DISP2: variants seen among roughly 807,000 people sequenced by gnomAD.
DISP2 encodes protein dispatched homolog 2.
In DISP2, 59 loss-of-function variants were observed where a neutral mutation model predicts 95.5. That is an observed-to-expected ratio of 0.62 (90% CI 0.50 to 0.77). DISP2 has a LOEUF of 0.77. Among genes scored for constraint, DISP2 ranks in the 30% least tolerant of loss-of-function variants. DISP2 has a pLI of 0.00. For missense variants in DISP2, 1,752 were observed against 1,854.6 expected, an observed-to-expected ratio of 0.94 and a Z score of 1.02; for synonymous variants, 827 against 815.0, an observed-to-expected ratio of 1.01 and a Z score of -0.25.
chr15:40,364,785 A>G lies in DISP2; in HGVS notation c.604-53A>G. The G allele has an allele frequency of 3.2e-6, 5 of 1,559,948 alleles. 1 individual carries two copies. The highest frequency in any genetic ancestry group is 3.8e-4 in the Middle Eastern group (2 of 5,244). The stretch of plus-strand genomic sequence containing the variant: ...AAGGGGCAGAGCTGAGAAGCACCCA[A>G]ATGGAGAACTCCTACCCTGCCCACC... On this transcript the variant is annotated intron_variant, in intron 4 of 7. Transcript: ENST00000267889.
At position 40,358,244 on chromosome 15, in the gene DISP2, TGCCGCCGCCACCGCCGCCGCCGCC is replaced by T. The variant is rs1555399506; in HGVS notation, c.-68_-45del. The T allele has an allele frequency of 1.3e-6, 1 of 779,744 alleles. No homozygotes were observed. Among genetic ancestry groups the T allele is most frequent in the East Asian group, 5.1e-5 (1 of 19,600 alleles). 48.3% of individuals were successfully genotyped at this position (779,744 alleles called of 1,614,324 possible). ...ATGCGCACGAGCACCCCGCCGCCGCTGCCGCCGCCACCGCCGCCGCCGCCGCCGCCGCCGCGGCTTCAGCACCAG... is the reference window on the plus strand; with the variant it reads ...ATGCGCACGAGCACCCCGCCGCCGCTGCCGCCGCCGCGGCTTCAGCACCAG... On this transcript the variant is annotated 5_prime_UTR_variant, in exon 1 of 8. Transcript: ENST00000267889.
At chr15:40,363,085 C>T (rs1311925916) in intron 1 of DISP2, among the ~76,000 whole-genome samples, 1 of 151,230 alleles carries the variant, frequency 6.6e-6, no homozygotes, top group Admixed American at 6.6e-5. Context: ...AGGCGGATCA[C>T]GAGGTGAGGA....
rs150771190 is a variant in DISP2, at chr15:40,370,854, C to T, written c.*536C>T. ...GCAGAATTGGGCTGGGACCTCTCTC[C>T]CCAACTGCCCTGCTCTCCTCATACT... On this transcript the variant is annotated 3_prime_UTR_variant, in exon 8 of 8. Transcript: ENST00000267889. 418 of 333,288 alleles carry T rather than the reference C, an allele frequency of 1.3e-3. 1 individual carries two copies. The highest frequency in any genetic ancestry group is 8.2e-3 in the African/African-American group (380 of 46,570). The allele number at this position is 333,288 out of a possible 1,614,324, so 20.6% of individuals were successfully genotyped here. A position where few individuals can be genotyped will look rare whatever the true frequency, so the allele number is the denominator to read the frequency against.
In DISP2 at chr15:40,371,768, A is replaced by G. The variant is rs577063313; in HGVS notation, c.*1450A>G. The G allele has an allele frequency of 2.0e-5, 3 of 152,202 alleles. No homozygotes were observed. Among genetic ancestry groups the G allele is most frequent in the African/African-American group, 7.2e-5 (3 of 41,440 alleles). 9.4% of individuals were successfully genotyped at this position (152,202 alleles called of 1,614,324 possible). On this transcript the variant is annotated 3_prime_UTR_variant, in exon 8 of 8. Transcript: ENST00000267889. ...GCATCAACATGTTTATTGAACACCT[A>G]CTTTGCATATGGTATTACAAGGGGA...
In DISP2 at chr15:40,370,864, C is replaced by A. The variant is rs1182213149; in HGVS notation, c.*546C>A. 3.0e-6 allele frequency: 1 copy of A among 328,316 alleles called. No homozygotes were observed. Among genetic ancestry groups the A allele is most frequent in the African/African-American group, 2.2e-5 (1 of 46,394 alleles). The allele number at this position is 328,316 out of a possible 1,614,324, so 20.3% of individuals were successfully genotyped here. ...GCTGGGACCTCTCTCCCCAACTGCCCTGCTCTCCTCATACTCACCGGTTTG... is the reference window on the plus strand; with the variant it reads ...GCTGGGACCTCTCTCCCCAACTGCCATGCTCTCCTCATACTCACCGGTTTG... On this transcript the variant is annotated 3_prime_UTR_variant, in exon 8 of 8. Coordinates refer to ENST00000267889, the MANE Select transcript of DISP2 (RefSeq NM_033510.3).
rs945878520 is a variant in DISP2 at position 40,378,115 on chromosome 15, A to G, written c.*7797A>G. 6.6e-6 allele frequency: 1 copy of G among 152,222 alleles called. No individual in the cohort carries two copies. Among genetic ancestry groups the G allele is most frequent in the Non-Finnish European group, 1.5e-5 (1 of 68,048 alleles). 9.4% of individuals were successfully genotyped at this position (152,222 alleles called of 1,614,324 possible). A position where few individuals can be genotyped will look rare whatever the true frequency, so the allele number is the denominator to read the frequency against. On this transcript the variant is annotated 3_prime_UTR_variant, in exon 8 of 8. Transcript: ENST00000267889. ...CACAATGGCTGGTTTTCCAATAAAAAATTACCAGTCATGCAAACTATAACC... is the reference window on the plus strand; with the variant it reads ...CACAATGGCTGGTTTTCCAATAAAAGATTACCAGTCATGCAAACTATAACC...
rs1889751083 is a variant in DISP2 at position 40,377,830 on chromosome 15, ACCACGC to A, written c.*7514_*7519del. 1 of 152,590 alleles carries A rather than the reference ACCACGC, an allele frequency of 6.6e-6. No individual in the cohort carries two copies. The highest frequency in any genetic ancestry group is 6.5e-5 in the Admixed American group (1 of 15,280). The allele number at this position is 152,590 out of a possible 1,614,324, so 9.5% of individuals were successfully genotyped here. On this transcript the variant is annotated 3_prime_UTR_variant, in exon 8 of 8. Coordinates refer to ENST00000267889, the MANE Select transcript of DISP2 (RefSeq NM_033510.3). ...TAGCCAGAAGTCACACACAGCCTGG[ACCACGC>A]CTGTCCCCATCAGCCAGATTGGAAA...
At chr15:40,364,744 C>G (rs1316707926) in intron 4 of DISP2, 94 bp from the exon 5 acceptor site, 1 of 1,425,514 alleles carries the variant, frequency 7.0e-7, no homozygotes, top group Admixed American at 2.2e-5. Flanking sequence ...CTGGCCTTCC[C>G]TGCTCTGAGG....
rs1889628568 is a variant in DISP2 at position 40,370,647 on chromosome 15, AC to A, written c.*331del. ...TAGCTTCGGGTATCAGAGGAGGCTG[AC>A]CTGGCCCCCATCCCAAGTTACAAGA... On this transcript the variant is annotated 3_prime_UTR_variant, in exon 8 of 8. Coordinates refer to ENST00000267889, the MANE Select transcript of DISP2 (RefSeq NM_033510.3). 3.7e-6 allele frequency: 2 copies of A among 542,910 alleles called. No individual in the cohort carries two copies. Among genetic ancestry groups the A allele is most frequent in the East Asian group, 9.3e-5 (2 of 21,524 alleles). 33.6% of individuals were successfully genotyped at this position (542,910 alleles called of 1,614,324 possible).
At chr15:40,366,575 A>G (rs1215622897) in intron 7 of DISP2, among the ~76,000 whole-genome samples, 1 of 152,250 alleles carries the variant, frequency 6.6e-6, no homozygotes, top group Non-Finnish European at 1.5e-5. Flanking sequence ...AGGAGAAAAA[A>G]GGAGGCATGA....
Position 40,374,014 on chromosome 15 carries a change from A to AAAAAAAAAAAAAAAAATATATATATATAT in DISP2, c.*3697_*3698insAAAAAAAAAAAAAAATATATATATATATA. The AAAAAAAAAAAAAAAAATATATATATATAT allele has an allele frequency of 5.8e-5, 6 of 104,198 alleles. No individual in the cohort carries two copies. Among genetic ancestry groups the AAAAAAAAAAAAAAAAATATATATATATAT allele is most frequent in the African/African-American group, 2.5e-4 (6 of 23,984 alleles). 6.5% of individuals were successfully genotyped at this position (104,198 alleles called of 1,614,324 possible). Reference sequence around the variant, plus strand: ...GCGAGACTCCATCTTAAAAAAAAAAAATATATATATATATATATGTAAACT... The same window carrying AAAAAAAAAAAAAAAAATATATATATATAT: ...GCGAGACTCCATCTTAAAAAAAAAAAAAAAAAAAAAAAAAAATATATATATATATATATATATATATATATATGTAAACT... On this transcript the variant is annotated 3_prime_UTR_variant, in exon 8 of 8. Coordinates refer to ENST00000267889, the MANE Select transcript of DISP2 (RefSeq NM_033510.3).
At chr15:40,365,892 G>A (rs1374812081) in intron 7 of DISP2, among the ~76,000 whole-genome samples, 167 bp downstream of exon 7, 1 of 152,218 alleles carries the variant, frequency 6.6e-6, no homozygotes, top group African/African-American at 2.4e-5. Flanking sequence ...AGGTTGGGGT[G>A]GGAAAAGAAG....
intron 1 of DISP2, among the ~76,000 whole-genome samples, chr15:40,359,156 G>C (rs1258363066): frequency 6.6e-6 from 1 of 152,196 alleles, no homozygotes; most frequent in African/African-American, 2.4e-5. Context: ...ATATGTGTGA[G>C]GGAACAGCCC....
In DISP2 at chr15:40,365,179, C is replaced by T; in HGVS notation, c.752C>T (p.Pro251Leu). 3 of 1,614,174 alleles carry T rather than the reference C, an allele frequency of 1.9e-6. No individual in the cohort carries two copies. The highest frequency in any genetic ancestry group is 1.3e-5 in the African/African-American group (1 of 75,058). Residue 251 changes from proline to leucine, a missense_variant, in exon 6 of 8, where the codon CCC becomes CTC. By Grantham distance (98) the Pro-to-Leu change is moderately conservative. Transcript: ENST00000267889. ...TCCCACAACACTCTGAGGCCTGCAC[C>T]CAGAGGCAGTGCCCAGGAGAGCGCT... ...SSSHNTLRPA[P>L]RGSAQESAVR...
Position 40,370,369 on chromosome 15 carries a change from A to G in DISP2, c.*51A>G, listed in dbSNP as rs1181189558. On this transcript the variant is annotated 3_prime_UTR_variant, in exon 8 of 8. Transcript: ENST00000267889. ...GCGCGGAACCCTGTCATGGATGACA[A>G]GGCAAGGGCAGCAATAGGCTGGAGC... 4 of 1,504,902 alleles carry G rather than the reference A, an allele frequency of 2.7e-6. No individual in the cohort carries two copies. Among genetic ancestry groups the G allele is most frequent in the Admixed American group, 2.2e-5 (1 of 45,416 alleles). 93.2% of individuals were successfully genotyped at this position (1,504,902 alleles called of 1,614,324 possible). A position where few individuals can be genotyped will look rare whatever the true frequency, so the allele number is the denominator to read the frequency against.
Position 40,368,704 on chromosome 15 carries a change from C to A in DISP2, c.2592C>A (p.Phe864Leu), listed in dbSNP as rs770592857. ...GPDLCCGHSD[F>L]PWAPQFFLHC... ...ACCTCTGCTGCGGCCACTCGGACTTCCCCTGGGCCCCCCAGTTTTTCCTGC... is the reference window on the plus strand; with the variant it reads ...ACCTCTGCTGCGGCCACTCGGACTTACCCTGGGCCCCCCAGTTTTTCCTGC... Residue 864 changes from phenylalanine to leucine, a missense_variant, in exon 8 of 8, where the codon TTC becomes TTA. Phe to Leu is a conservative substitution (Grantham distance 22, BLOSUM62 0). This residue lies in a region of DISP2 where 317 missense variants were observed against 394.9 expected (regional missense o/e 0.80). Coordinates refer to ENST00000267889, the MANE Select transcript of DISP2 (RefSeq NM_033510.3). 1.2e-6 allele frequency: 2 copies of A among 1,613,150 alleles called. No homozygotes were observed. Among genetic ancestry groups the A allele is most frequent in the East Asian group, 2.2e-5 (1 of 44,884 alleles).
At chr15:40,359,954 C>T (rs996848829) in intron 1 of DISP2, among the ~76,000 whole-genome samples, 1 of 152,246 alleles carries the variant, frequency 6.6e-6, no homozygotes, top group Non-Finnish European at 1.5e-5. Flanking sequence ...AGCTGCTTCC[C>T]CATCTGTCCT....
At chr15:40,366,560 A>G (rs1376746180) in intron 7 of DISP2, among the ~76,000 whole-genome samples, 3 of 152,230 alleles carry the variant, frequency 2.0e-5, no homozygotes, top group African/African-American at 4.8e-5. Context: ...TGTCAACAAC[A>G]GGAAAGGAGA....
At position 40,369,832 on chromosome 15, in the gene DISP2, T is replaced by C. The variant is rs1278237484; in HGVS notation, c.3720T>C (p.Ala1240=). ...AGACCTCCTCCCCCTATAAGCAGGC[T>C]GGCCCCAGCCCCAAAACCCGGGCCA... ...ALQTSSPYKQ[A]GPSPKTRARQ... is the part of the protein sequence containing the mutation. Residue 1240 remains alanine (A), a synonymous_variant, in exon 8 of 8, where the codon GCT becomes GCC. Coordinates refer to ENST00000267889, the MANE Select transcript of DISP2 (RefSeq NM_033510.3). The C allele has an allele frequency of 6.3e-7, 1 of 1,580,034 alleles. No individual in the cohort carries two copies. The highest frequency in any genetic ancestry group is 8.6e-7 in the Non-Finnish European group (1 of 1,160,086).
Sources: gnomAD v4.1 joint callset for allele counts (sites outside exome capture counted in the v4.1 genomes callset) on GRCh38, gnomAD v4.1.1 for gene constraint, gnomAD v4.1.1 regional missense constraint, MANE v1.5 for transcripts, NCBI Gene and HGNC (gene_info 2026-07-23, HGNC 2026-07-21) for gene names.